The following DAB1 variants were observed in gnomAD, a reference collection of about 807,000 sequenced individuals.
DAB1 encodes the protein disabled homolog 1.
Under a neutral mutation model 64.6 loss-of-function variants are expected in DAB1, and 15 were observed. The ratio of observed to expected loss-of-function variants is 0.23; its 90% CI spans 0.16 to 0.36. The LOEUF (loss-of-function observed/expected upper bound fraction) is 0.36. Among genes scored for constraint, DAB1 ranks in the 10% least tolerant of loss-of-function variants. DAB1 has a pLI of 1.00. For missense variants in DAB1, 596 were observed against 706.7 expected, an observed-to-expected ratio of 0.84 and a Z score of 1.78; for synonymous variants, 235 against 251.9, an observed-to-expected ratio of 0.93 and a Z score of 0.64.
downstream of DAB1, among the ~76,000 whole-genome samples, chr1:57,824,888 G>A (rs925358378): frequency 6.6e-6 from 1 of 152,176 alleles, no homozygotes; most frequent in Non-Finnish European, 1.5e-5. Flanking sequence ...GCTGACAGGT[G>A]TCCTGCATGG....
intron 5 of DAB1, among the ~76,000 whole-genome samples, chr1:57,919,587 C>T (rs1432815288): frequency 2.6e-5 from 4 of 152,124 alleles, no homozygotes; most frequent in Admixed American, 6.6e-5. Context: ...TTGCTCTGCC[C>T]TATACATATT....
chr1:57,132,708 C>T (rs545594750), intron 4 of DAB1, among the ~76,000 whole-genome samples: 2 of 152,170 alleles, frequency 1.3e-5, no homozygotes, highest in South Asian at 2.1e-4. Context: ...GGATACTCAA[C>T]CTGTATTGTC....
intron 5 of DAB1, among the ~76,000 whole-genome samples, chr1:58,073,096 C>T (rs1649376510): frequency 6.6e-6 from 1 of 152,154 alleles, no homozygotes; most frequent in Non-Finnish European, 1.5e-5. Context: ...GTAACTTACC[C>T]ATCACACAGT....
intron 6 of DAB1, 145 bp downstream of exon 6, chr1:57,071,377 G>T (rs1570636338): frequency 5.3e-6 from 5 of 937,910 alleles, no homozygotes; most frequent in Admixed American, 2.8e-5. Flanking sequence ...CTAATGGCTT[G>T]CTTTGGGTCC....
chr1:58,507,070 G>A lies in DAB1; in HGVS notation n.108-861C>T, dbSNP rs114809021. Among the ~76,000 whole-genome samples the A allele has an allele frequency of 7.0e-3, 1,057 of 151,964 alleles. 11 individuals are homozygous for A. Among genetic ancestry groups the A allele is most frequent in the African/African-American group, 0.024 (1,006 of 41,498 alleles). On this transcript the variant is annotated intron_variant and non_coding_transcript_variant, in intron 2 of 20. Transcript: ENST00000485760. ...TACCTGAGGTATCTGATAGTGGAGAGGGAGCAACACTTTTATTTCTGAACT... is the reference window on the plus strand; with the variant it reads ...TACCTGAGGTATCTGATAGTGGAGAAGGAGCAACACTTTTATTTCTGAACT...
At chr1:58,488,813 T>G (rs963870221) in intron 3 of DAB1, among the ~76,000 whole-genome samples, 1 of 152,262 alleles carries the variant, frequency 6.6e-6, no homozygotes, top group Admixed American at 6.5e-5. Flanking sequence ...CAAAGTCCAC[T>G]GTATACGTCT....
upstream of DAB1, among the ~76,000 whole-genome samples, chr1:57,888,874 G>A (rs916118147): frequency 4.6e-5 from 7 of 152,202 alleles, no homozygotes; most frequent in Non-Finnish European, 8.8e-5. Flanking sequence ...AATATTTAGT[G>A]TGGGCAGTGG....
chr1:57,949,780 A>G (rs898348403), intron 5 of DAB1, among the ~76,000 whole-genome samples: 5 of 152,148 alleles, frequency 3.3e-5, no homozygotes, highest in African/African-American at 4.8e-5. Context: ...CTTTATAAAA[A>G]CTTTAATAGG....
chr1:57,272,378 C>T (rs1263872429), intron 2 of DAB1, among the ~76,000 whole-genome samples: 5 of 152,202 alleles, frequency 3.3e-5, no homozygotes, highest in Non-Finnish European at 1.5e-5. Flanking sequence ...GCGCATCCCA[C>T]ACAACATTGC....
intron 7 of DAB1, among the ~76,000 whole-genome samples, chr1:57,565,851 AC>A (rs1166937765): frequency 1.3e-5 from 2 of 152,186 alleles, no homozygotes; most frequent in African/African-American, 4.8e-5. Flanking sequence ...CCCACTGTCA[AC>A]ATTAGACAGA....
chr1:58,015,049 G>A (rs986471269), intron 5 of DAB1, among the ~76,000 whole-genome samples: 1 of 152,194 alleles, frequency 6.6e-6, no homozygotes, highest in Non-Finnish European at 1.5e-5. Flanking sequence ...AATCAAGCAA[G>A]AGAGCCAGAG....
intron 2 of DAB1, among the ~76,000 whole-genome samples, chr1:58,520,344 T>C (rs1646242982): frequency 6.6e-6 from 1 of 152,154 alleles, no homozygotes; most frequent in Admixed American, 6.5e-5. Context: ...AGCACTTATG[T>C]GAAAAACTCC....
rs146307511 is a variant in DAB1, at chr1:57,145,398, C to A, written c.99G>T (p.Lys33Asn). 6 of 1,614,056 alleles carry A rather than the reference C, an allele frequency of 3.7e-6. No individual in the cohort carries two copies. The South Asian group carries it at 6.6e-5, about 18-fold the overall frequency. The change falls in exon 3 of 15, where the codon AAG becomes AAT. Residue 33 changes from lysine (K) to asparagine (N), a missense_variant. By Grantham distance (94) the Lys-to-Asn change is moderately conservative. This residue lies in a region of DAB1 where 43 missense variants were observed against 39.6 expected (regional missense o/e 1.09). Transcript: ENST00000371236. ...ACCGGACCCCTTCACCTTTAAACCTCTTTATCAAAGTGGCTTCACTGCGAT... is the reference window on the plus strand; with the variant it reads ...ACCGGACCCCTTCACCTTTAAACCTATTTATCAAAGTGGCTTCACTGCGAT... ...GQDRSEATLI[K>N]RFKGEGVRYK... is the part of the protein sequence containing the mutation.
At chr1:57,598,023 C>A (rs1323446220) in intron 7 of DAB1, among the ~76,000 whole-genome samples, 1 of 152,134 alleles carries the variant, frequency 6.6e-6, no homozygotes, top group Non-Finnish European at 1.5e-5. Context: ...CGCTTTGTCA[C>A]CCAGGCTGCA....
chr1:57,650,813 A>G (rs1450268385), intron 6 of DAB1, among the ~76,000 whole-genome samples: 1 of 152,164 alleles, frequency 6.6e-6, no homozygotes, highest in Non-Finnish European at 1.5e-5. Context: ...CATTCTGAAG[A>G]TAACACTGCA....
At chr1:57,371,206 G>C (rs2100934934) in intron 1 of DAB1, among the ~76,000 whole-genome samples, 1 of 152,322 alleles carries the variant, frequency 6.6e-6, no homozygotes, top group East Asian at 1.9e-4. Flanking sequence ...GAGGCATGGA[G>C]ACTGAATTTC....
chr1:57,418,515 T>C (rs1374774830), intron 1 of DAB1, among the ~76,000 whole-genome samples: 1 of 152,166 alleles, frequency 6.6e-6, no homozygotes, highest in Non-Finnish European at 1.5e-5. Context: ...CAAGACTCAC[T>C]ACAGGTGGTC....
At chr1:57,114,667 A>G (rs1655953405) in intron 4 of DAB1, among the ~76,000 whole-genome samples, 1 of 152,220 alleles carries the variant, frequency 6.6e-6, no homozygotes, top group African/African-American at 2.4e-5. Flanking sequence ...TCCTGCACTC[A>G]GAAGCATCAG....
intron 6 of DAB1, among the ~76,000 whole-genome samples, chr1:57,661,125 TG>T (rs1198163357): frequency 2.0e-5 from 3 of 151,160 alleles, no homozygotes; most frequent in South Asian, 2.1e-4. Context: ...TTGGATAGTC[TG>T]GGGGAAAAAA....
Sources: gnomAD v4.1 joint callset for allele counts (sites outside exome capture counted in the v4.1 genomes callset) on GRCh38, gnomAD v4.1.1 for gene constraint, gnomAD v4.1.1 regional missense constraint, MANE v1.5 for transcripts, NCBI Gene and HGNC (gene_info 2026-07-23, HGNC 2026-07-21) for gene names.